Variants in CADPS2 observed in about 807,000 individuals in gnomAD.
The protein encoded by CADPS2 is calcium-dependent secretion activator 2.
Under a neutral mutation model 172.5 loss-of-function variants are expected in CADPS2, and 93 were observed. The observed-to-expected ratio is 0.54, with a 90% confidence interval of 0.46 to 0.64. The LOEUF is 0.64. CADPS2 is among the 30% of genes least tolerant of loss of function. The pLI, the probability that CADPS2 is intolerant of heterozygous loss-of-function variation, is 0.00. For missense variants in CADPS2, 1,420 were observed against 1,565.9 expected, an observed-to-expected ratio of 0.91 and a Z score of 1.57; for synonymous variants, 546 against 555.2, an observed-to-expected ratio of 0.98 and a Z score of 0.23.
At chr7:122,569,202 T>C (rs2066865546) in intron 7 of CADPS2, among the ~76,000 whole-genome samples, 1 of 152,148 alleles carries the variant, frequency 6.6e-6, no homozygotes, top group African/African-American at 2.4e-5. Context: ...ACAAAATCAA[T>C]GTGCAAAAAT....
chr7:122,643,759 G>A (rs1429364887), intron 3 of CADPS2, among the ~76,000 whole-genome samples: 2 of 152,010 alleles, frequency 1.3e-5, no homozygotes, highest in Non-Finnish European at 2.9e-5. Context: ...GGGAAGGGGA[G>A]ATGAAAAGAG....
At chr7:122,866,767 CAA>C (rs1462425553) in intron 1 of CADPS2, among the ~76,000 whole-genome samples, 1 of 152,156 alleles carries the variant, frequency 6.6e-6, no homozygotes, top group Non-Finnish European at 1.5e-5. Context: ...TCAGATCAGA[CAA>C]AGAGATGTTT....
At chr7:122,539,627 C>A (rs971737165) in intron 8 of CADPS2, among the ~76,000 whole-genome samples, 2 of 152,048 alleles carry the variant, frequency 1.3e-5, no homozygotes, top group Admixed American at 1.3e-4. Flanking sequence ...CAAGGTAAAT[C>A]CATCAACAGC....
At chr7:122,656,556 T>TA (rs927401252) in intron 3 of CADPS2, among the ~76,000 whole-genome samples, 2 of 152,054 alleles carry the variant, frequency 1.3e-5, no homozygotes, top group African/African-American at 4.8e-5. Context: ...CAGAAACACT[T>TA]ATGAAGGTTA....
chr7:122,886,067 C>T lies in CADPS2; in HGVS notation c.271G>A (p.Val91Ile). The change falls in exon 1 of 30, where the codon GTC becomes ATC. Residue 91 changes from valine to isoleucine, a missense_variant. Coordinates refer to ENST00000449022, the MANE Select transcript of CADPS2 (RefSeq NM_017954.11). ...RRIRLQLYVFVVRCIAYPFNA... is the reference protein window; with the variant it reads ...RRIRLQLYVFIVRCIAYPFNA... ...AAGGGGTACGCGATGCACCTCACGA[C>T]GAAGACGTAGAGCTGCAGGCGGATC... The T allele has an allele frequency of 6.2e-7, 1 of 1,603,452 alleles. No homozygotes were observed. Among genetic ancestry groups the T allele is most frequent in the South Asian group, 1.1e-5 (1 of 88,786 alleles).
chr7:122,380,183 C>T (rs1324088684), intron 24 of CADPS2, among the ~76,000 whole-genome samples: 2 of 151,880 alleles, frequency 1.3e-5, no homozygotes, highest in Non-Finnish European at 2.9e-5. Flanking sequence ...TACTAGAGGG[C>T]TCCATTCTTA....
intron 27 of CADPS2, among the ~76,000 whole-genome samples, chr7:122,348,925 C>T (rs960568155): frequency 5.3e-5 from 8 of 152,190 alleles, no homozygotes; most frequent in East Asian, 3.9e-4. Context: ...AAGACATTAT[C>T]GCTGGTTCAA....
At chr7:122,802,874 G>A (rs916479970) in intron 1 of CADPS2, among the ~76,000 whole-genome samples, 4 of 152,184 alleles carry the variant, frequency 2.6e-5, no homozygotes, top group African/African-American at 4.8e-5. Flanking sequence ...ATGGAACGTA[G>A]AGCACAATTC....
At chr7:122,425,148 TTAAG>T (rs2048994184) in intron 17 of CADPS2, among the ~76,000 whole-genome samples, 1 of 151,838 alleles carries the variant, frequency 6.6e-6, no homozygotes, top group Admixed American at 6.6e-5. Flanking sequence ...GCCCAACTAA[TTAAG>T]TTTCTTTTTA....
chr7:122,768,936 G>A (rs1004990132), intron 1 of CADPS2, among the ~76,000 whole-genome samples: 9 of 151,798 alleles, frequency 5.9e-5, no homozygotes, highest in Non-Finnish European at 1.3e-4. Flanking sequence ...GACAGCATAT[G>A]CTGCTAAGTG....
At chr7:122,699,818 G>A (rs2085739639) in intron 2 of CADPS2, among the ~76,000 whole-genome samples, 1 of 152,136 alleles carries the variant, frequency 6.6e-6, no homozygotes, top group South Asian at 2.1e-4. Flanking sequence ...GGAGGAGAAA[G>A]GGTGTCAAGG....
chr7:122,715,219 T>C (rs1355745116), intron 2 of CADPS2, among the ~76,000 whole-genome samples: 2 of 152,164 alleles, frequency 1.3e-5, no homozygotes. Flanking sequence ...GTCTGAGTTT[T>C]CATACCGATA....
At chr7:122,697,503 T>A (rs924438663) in intron 2 of CADPS2, among the ~76,000 whole-genome samples, 1 of 152,166 alleles carries the variant, frequency 6.6e-6, no homozygotes, top group African/African-American at 2.4e-5. Flanking sequence ...GAAAATAAGT[T>A]TGTCCTTAGC....
At chr7:122,738,071 G>T (rs747674981) in intron 1 of CADPS2, among the ~76,000 whole-genome samples, 1 of 152,108 alleles carries the variant, frequency 6.6e-6, no homozygotes, top group Non-Finnish European at 1.5e-5. Flanking sequence ...AAAATGCTCT[G>T]AACTGGGGAA....
chr7:122,393,466 CA>C lies in CADPS2; in HGVS notation c.2862del (p.Phe954LeufsTer19). 1.9e-6 allele frequency: 3 copies of C among 1,613,890 alleles called. No individual in the cohort carries two copies. Among genetic ancestry groups the C allele is most frequent in the Non-Finnish European group, 2.5e-6 (3 of 1,179,828 alleles). ...TTGACAGGCTGCCATGTCTCCTGCT[CA>C]AAACCTCTGTGAATTGACTGGGCGA... ...SSIAQSIHRG[F>X]EQETWQPVKN... On this transcript the variant is annotated frameshift_variant, in exon 21 of 30. Transcript: ENST00000449022. LOFTEE classifies it high-confidence loss of function.
chr7:122,381,011 C>A (rs1448121663), intron 24 of CADPS2, among the ~76,000 whole-genome samples: 1 of 152,076 alleles, frequency 6.6e-6, no homozygotes, highest in Non-Finnish European at 1.5e-5. Context: ...AACTTCTGAT[C>A]CAGTCTAAAT....
chr7:122,850,487 G>T, intron 1 of CADPS2: 1 of 226,364 alleles, frequency 4.4e-6, no homozygotes. Context: ...CTTCCTTGTG[G>T]CAGGGGGGCG....
In CADPS2 at chr7:122,705,973, TAATATATA is replaced by T. The variant is rs1260949147; in HGVS notation, c.453+30974_453+30981del. On this transcript the variant is annotated intron_variant, in intron 2 of 29. Coordinates refer to ENST00000449022, the MANE Select transcript of CADPS2 (RefSeq NM_017954.11). ...TATATAATATATATATAATATAATA[TAATATATA>T]ATATTATATATTATATAATATTTAT... Among the ~76,000 whole-genome samples, 16 of 72,990 alleles carry T rather than the reference TAATATATA, an allele frequency of 2.2e-4. 1 individual carries two copies. Among genetic ancestry groups the T allele is most frequent in the African/African-American group, 9.4e-4 (16 of 17,020 alleles). The allele number at this position is 72,990 out of a possible 152,430, so 47.9% of individuals were successfully genotyped here.
At chr7:122,723,167 A>G (rs1562853906) in intron 2 of CADPS2, among the ~76,000 whole-genome samples, 1 of 152,208 alleles carries the variant, frequency 6.6e-6, no homozygotes, top group Non-Finnish European at 1.5e-5. Flanking sequence ...AACAAAAGCC[A>G]AAATTGACAA....
Sources: gnomAD v4.1 joint callset for allele counts (sites outside exome capture counted in the v4.1 genomes callset) on GRCh38, gnomAD v4.1.1 for gene constraint, MANE v1.5 for transcripts, NCBI Gene and HGNC (gene_info 2026-07-23, HGNC 2026-07-21) for gene names.